PLA2G4C: variants seen among roughly 807,000 people sequenced by gnomAD.
PLA2G4C encodes phospholipase A2 group IVC, also known as cytosolic phospholipase A2 gamma.
A neutral mutation model predicts 73.8 loss-of-function variants in PLA2G4C; 64 were observed. That is an observed-to-expected ratio of 0.87 (90% CI 0.71 to 1.07). The LOEUF is 1.07. Ranked by LOEUF, PLA2G4C falls within the 50% of genes least tolerant of loss-of-function variation. PLA2G4C has a pLI of 0.00. For missense variants in PLA2G4C, 622 were observed against 665.4 expected (o/e 0.93, Z 0.72); for synonymous variants, 254 against 252.1 (o/e 1.01, Z -0.07).
chr19:48,110,351 AAAAT>A (rs915744406), intron 1 of PLA2G4C, 132 bp downstream of exon 1: 42 of 575,748 alleles, frequency 7.3e-5, no homozygotes, highest in African/African-American at 5.2e-4. Flanking sequence ...GTCTCAAAAA[AAAAT>A]AAATAAATAA....
intron 2 of PLA2G4C, 179 bp from the exon 3 acceptor site, chr19:48,105,623 T>C (rs1187038770): frequency 1.8e-6 from 1 of 566,136 alleles, no homozygotes; most frequent in Non-Finnish European, 3.1e-6. Flanking sequence ...TGTACAACAC[T>C]GTGAATGCAT....
intron 12 of PLA2G4C, among the ~76,000 whole-genome samples, chr19:48,068,566 C>T (rs1371403357): frequency 6.6e-6 from 1 of 151,792 alleles, no homozygotes; most frequent in Non-Finnish European, 1.5e-5. Context: ...TTAATGCATG[C>T]CTGTGGTCCC....
At chr19:48,083,433 TTTTTCTTTTTCTTTTTTC>T (rs1195201693) in intron 10 of PLA2G4C, among the ~76,000 whole-genome samples, 3 of 139,532 alleles carry the variant, frequency 2.2e-5, no homozygotes, top group African/African-American at 8.7e-5. Context: ...CTTTTTTTTC[TTTTTCTTTTTCTTTTTTC>T]TTTTTTTTTT....
intron 7 of PLA2G4C, among the ~76,000 whole-genome samples, chr19:48,093,176 G>C (rs1161958911): frequency 6.6e-6 from 1 of 152,080 alleles, no homozygotes; most frequent in Admixed American, 6.5e-5. Context: ...GAGAAAAGGG[G>C]AAGATCCCCT....
At chr19:48,104,400 C>T in intron 4 of PLA2G4C, 188 bp downstream of exon 4, 1 of 559,502 alleles carries the variant, frequency 1.8e-6, no homozygotes, top group Non-Finnish European at 3.1e-6. Context: ...GAGCCCCTTT[C>T]ACCTGTGGAA....
At chr19:48,075,834 G>A (rs971268637) in intron 11 of PLA2G4C, among the ~76,000 whole-genome samples, 3 of 152,180 alleles carry the variant, frequency 2.0e-5, no homozygotes, top group African/African-American at 7.2e-5. Context: ...CCAGGCTGGA[G>A]TGCAGTGGTA....
chr19:48,091,619 T>G (rs1381022009), intron 7 of PLA2G4C, among the ~76,000 whole-genome samples: 1 of 152,140 alleles, frequency 6.6e-6, no homozygotes, highest in East Asian at 1.9e-4. Flanking sequence ...CCAGGCACGG[T>G]GGCTCACGCC....
At chr19:48,077,540 G>C in intron 11 of PLA2G4C, among the ~76,000 whole-genome samples, 1 of 152,098 alleles carries the variant, frequency 6.6e-6, no homozygotes, top group South Asian at 2.1e-4. Context: ...TACAAGTCCA[G>C]TGTAATTCCT....
At chr19:48,097,312 G>C (rs2031642370) in intron 6 of PLA2G4C, among the ~76,000 whole-genome samples, 2 of 140,220 alleles carry the variant, frequency 1.4e-5, no homozygotes, top group Admixed American at 1.4e-4. Flanking sequence ...GAGTGCTGTG[G>C]CGCGATCTCA....
In PLA2G4C at chr19:48,106,688, G is replaced by A. The variant is rs11564517; in HGVS notation, c.-32-127C>T. Reference sequence around the variant, plus strand: ...TCCACTGCCCAGACAAAACCAATGCGAACAGCAGGTGTTGCAGCAAAGAGA... The same window carrying A: ...TCCACTGCCCAGACAAAACCAATGCAAACAGCAGGTGTTGCAGCAAAGAGA... On this transcript the variant is annotated intron_variant, in intron 1 of 16. Coordinates refer to ENST00000599921, the MANE Select transcript of PLA2G4C (RefSeq NM_003706.3). The A allele has an allele frequency of 2.4e-3, 1,660 of 691,436 alleles. 19 individuals carry two copies. The African/African-American group carries it at 0.026, about 11-fold the overall frequency. 42.8% of individuals were successfully genotyped at this position (691,436 alleles called of 1,614,324 possible).
chr19:48,091,520 C>T (rs896705651), intron 7 of PLA2G4C, among the ~76,000 whole-genome samples: 18 of 145,902 alleles, frequency 1.2e-4, no homozygotes, highest in African/African-American at 4.2e-4. Context: ...ATTAATCCCA[C>T]ATGTCCTCGG....
At chr19:48,095,726 A>G (rs2122652694) in intron 6 of PLA2G4C, 122 bp from the exon 7 acceptor site, 1 of 1,037,828 alleles carries the variant, frequency 9.6e-7, no homozygotes, top group African/African-American at 1.6e-5. Context: ...TTAGAGATGG[A>G]CTGTGTGGTA....
chr19:48,086,081 C>T lies in PLA2G4C; in HGVS notation c.791-969G>A, dbSNP rs551579220. 3.9e-5 allele frequency among the ~76,000 whole-genome samples: 6 copies of T among 152,286 alleles called. No homozygotes were observed. The East Asian group carries it at 1.2e-3, about 29-fold the overall frequency. Reference sequence around the variant, plus strand: ...AACTGTGGGTGGAGGTGAACTTCTCCACCCACATGGGGTGAATGAAAAGCA... The same window carrying T: ...AACTGTGGGTGGAGGTGAACTTCTCTACCCACATGGGGTGAATGAAAAGCA... On this transcript the variant is annotated intron_variant, in intron 9 of 16. Transcript: ENST00000599921.
intron 4 of PLA2G4C, among the ~76,000 whole-genome samples, chr19:48,100,786 C>A (rs1407829480): frequency 6.7e-6 from 1 of 149,238 alleles, no homozygotes; most frequent in Non-Finnish European, 1.5e-5. Context: ...GCAGACCCAG[C>A]TACTATAGTC....
chr19:48,095,746 A>G (rs2031534920), intron 6 of PLA2G4C, 142 bp from the exon 7 acceptor site: 3 of 856,896 alleles, frequency 3.5e-6, no homozygotes, highest in Non-Finnish European at 1.9e-6. Flanking sequence ...ATCAGAAACC[A>G]CTGGGGATCT....
intron 13 of PLA2G4C, among the ~76,000 whole-genome samples, chr19:48,063,105 C>T (rs568252232): frequency 3.3e-5 from 5 of 152,082 alleles, no homozygotes; most frequent in African/African-American, 7.2e-5. Flanking sequence ...AGTGCAGTGG[C>T]GCAATCTCCA....
At chr19:48,097,638 CT>C (rs1318338620) in intron 6 of PLA2G4C, 1 of 152,472 alleles carries the variant, frequency 6.6e-6, no homozygotes, top group Non-Finnish European at 1.5e-5. Context: ...GTCACTCAGG[CT>C]GTAGTACAAT....
At chr19:48,068,238 G>A (rs1169058255) in intron 12 of PLA2G4C, among the ~76,000 whole-genome samples, 2 of 148,100 alleles carry the variant, frequency 1.4e-5, no homozygotes, top group Non-Finnish European at 3.0e-5. Context: ...CTGGGAGGCA[G>A]AGGCTGAAGT....
At chr19:48,058,273 C>T (rs1255308351) in intron 14 of PLA2G4C, among the ~76,000 whole-genome samples, 14 of 151,018 alleles carry the variant, frequency 9.3e-5, no homozygotes, top group East Asian at 2.0e-4. Flanking sequence ...CACTCCAGCC[C>T]GGGCAACAAG....
Sources: gnomAD v4.1 joint callset for allele counts (sites outside exome capture counted in the v4.1 genomes callset) on GRCh38, gnomAD v4.1.1 for gene constraint, MANE v1.5 for transcripts, NCBI Gene and HGNC (gene_info 2026-07-23, HGNC 2026-07-21) for gene names.